The following ADNP2 variants were observed in gnomAD, a reference collection of about 807,000 sequenced individuals.
ADNP2 encodes the protein ADNP homeobox 2, also known as activity-dependent neuroprotector homeobox protein 2.
A neutral mutation model predicts 16.4 loss-of-function variants in ADNP2; 8 were observed. That is an observed-to-expected ratio of 0.49 (90% CI 0.29 to 0.88). ADNP2 has a LOEUF of 0.88. Ranked by LOEUF, ADNP2 falls within the 40% of genes least tolerant of loss-of-function variation. The probability of loss-of-function intolerance (pLI) is 0.09; values close to 1 mark genes in which losing one functional copy is unlikely to be tolerated. For missense variants in ADNP2, 1,397 were observed against 1,395.1 expected (o/e 1.00, Z -0.02); for synonymous variants, 637 against 545.8 (o/e 1.17, Z -2.33).
intron 2 of ADNP2, among the ~76,000 whole-genome samples, chr18:80,132,421 G>A (rs956080094): frequency 3.9e-5 from 6 of 152,156 alleles, no homozygotes; most frequent in South Asian, 2.1e-4. Context: ...GTAACTGCAC[G>A]ATTTAACATA....
chr18:80,130,185 T>A (rs2052487154), intron 2 of ADNP2, among the ~76,000 whole-genome samples: 1 of 152,330 alleles, frequency 6.6e-6, no homozygotes, highest in South Asian at 2.1e-4. Context: ...GGTGCTTTTG[T>A]CATGACCCCT....
intron 2 of ADNP2, among the ~76,000 whole-genome samples, chr18:80,129,011 T>C (rs1333877981): frequency 6.6e-6 from 1 of 152,184 alleles, no homozygotes; most frequent in Non-Finnish European, 1.5e-5. Flanking sequence ...TTTTCACTTT[T>C]CTCTGTTCTG....
chr18:80,129,105 G>GTTTTTTTTT (rs753934297), intron 2 of ADNP2, among the ~76,000 whole-genome samples: 1 of 81,438 alleles, frequency 1.2e-5, no homozygotes, highest in African/African-American at 3.8e-5. Context: ...CTTTTTTTTT[G>GTTTTTTTTT]TTTTTTTTTT....
At chr18:80,117,715 T>TG in intron 2 of ADNP2, 65 bp downstream of exon 2, 1 of 1,234,882 alleles carries the variant, frequency 8.1e-7, no homozygotes, top group Non-Finnish European at 1.1e-6. Flanking sequence ...TTTTGAAGAG[T>TG]GGGTAAGATT....
At chr18:80,131,485 A>G (rs539929647) in intron 2 of ADNP2, among the ~76,000 whole-genome samples, 12 of 152,220 alleles carry the variant, frequency 7.9e-5, no homozygotes, top group East Asian at 1.9e-4. Context: ...AAAAAAATAC[A>G]CTTTTCTTTC....
At position 80,133,191 on chromosome 18, in the gene ADNP2, T is replaced by C; in HGVS notation, c.197T>C (p.Val66Ala). The C allele has an allele frequency of 6.2e-7, 1 of 1,610,250 alleles. No individual in the cohort carries two copies. The highest frequency in any genetic ancestry group is 8.5e-7 in the Non-Finnish European group (1 of 1,176,652). ...VSLWEPSGKK[V>A]RYRTKPYCCG... ...CTCTGGGAACCTTCTGGAAAGAAAG[T>C]GGTATGTATTTTTTGCATTTGTTTT... Residue 66 changes from valine (V) to alanine (A), a missense_variant and splice_region_variant, in exon 3 of 4, where the codon GTG (valine) becomes GCG (alanine). Val to Ala is a moderately conservative substitution (Grantham distance 64). This residue lies in a region of ADNP2 where 777 missense variants were observed against 719.4 expected (regional missense o/e 1.08). Transcript: ENST00000262198.
At chr18:80,133,388 G>T (rs1167225029) in intron 3 of ADNP2, among the ~76,000 whole-genome samples, 196 bp downstream of exon 3, 3 of 152,180 alleles carry the variant, frequency 2.0e-5, no homozygotes, top group Non-Finnish European at 4.4e-5. Context: ...TCTGTTCTGT[G>T]TGCAGAGTTG....
Position 80,133,138 on chromosome 18 carries a change from T to G in ADNP2, c.144T>G (p.Phe48Leu), listed in dbSNP as rs1338437886. ...LKGFDPGEKY[F>L]HNTSWGDVSL... ...GCTTTGATCCAGGAGAGAAATACTT[T>G]CATAACACATCATGGGGTGATGTTT... is the stretch of plus-strand genomic sequence containing the variant. The change falls in exon 3 of 4, where the codon TTT becomes TTG. Residue 48 changes from phenylalanine (F) to leucine (L), a missense_variant. Coordinates refer to ENST00000262198, the MANE Select transcript of ADNP2 (RefSeq NM_014913.4). The G allele has an allele frequency of 5.0e-6, 8 of 1,612,754 alleles. No homozygotes were observed. The highest frequency in any genetic ancestry group is 6.8e-6 in the Non-Finnish European group (8 of 1,179,528).
At chr18:80,110,993 A>G (rs1228931818) in intron 1 of ADNP2, among the ~76,000 whole-genome samples, 10 of 152,064 alleles carry the variant, frequency 6.6e-5, no homozygotes, top group Non-Finnish European at 1.3e-4. Context: ...TTTAATTTGA[A>G]CCCAAGTTTG....
chr18:80,110,285 G>A (rs1454033581), intron 1 of ADNP2, among the ~76,000 whole-genome samples: 2 of 152,180 alleles, frequency 1.3e-5, no homozygotes, highest in Non-Finnish European at 2.9e-5. Context: ...CTGTACAGAT[G>A]CAGAATGAGA....
chr18:80,126,841 C>T (rs79014359), intron 2 of ADNP2, among the ~76,000 whole-genome samples: 41 of 152,274 alleles, frequency 2.7e-4, no homozygotes, highest in East Asian at 2.3e-3. Flanking sequence ...GTAGTTCCCC[C>T]GTATCCTCAG....
At chr18:80,109,555 C>T (rs2052342989) in intron 1 of ADNP2, 83 bp downstream of exon 1, 1 of 148,148 alleles carries the variant, frequency 6.8e-6, no homozygotes, top group Non-Finnish European at 1.5e-5. Context: ...CTGGTCCCCT[C>T]CGAGCCCCGC....
In ADNP2 at chr18:80,123,728, A is replaced by AT. The variant is rs946274436; in HGVS notation, c.108+6088dup. ...AAAATTGATGTTAGTTCTTTCTTTA[A>AT]TTTTTTTTTTCTTTTTTTGGAGACA... On this transcript the variant is annotated intron_variant, in intron 2 of 3. Transcript: ENST00000262198. Among the ~76,000 whole-genome samples the AT allele has an allele frequency of 6.3e-4, 86 of 137,378 alleles. 1 individual carries two copies. In the Middle Eastern group the frequency reaches 0.013, roughly 20 times the overall value. 90.1% of individuals were successfully genotyped at this position (137,378 alleles called of 152,430 possible). A position where few individuals can be genotyped will look rare whatever the true frequency, so the allele number is the denominator to read the frequency against.
At chr18:80,113,601 T>G (rs1003252643) in intron 1 of ADNP2, among the ~76,000 whole-genome samples, 13 of 152,226 alleles carry the variant, frequency 8.5e-5, no homozygotes, top group Admixed American at 3.9e-4. Flanking sequence ...TATCTTACGG[T>G]TCTTATCCTG....
At chr18:80,125,853 A>C (rs918993870) in intron 2 of ADNP2, among the ~76,000 whole-genome samples, 7 of 152,178 alleles carry the variant, frequency 4.6e-5, no homozygotes, top group African/African-American at 1.7e-4. Context: ...TGAAATAGCT[A>C]TTCCCATTAG....
chr18:80,109,946 C>G (rs1007519292), intron 1 of ADNP2: 5 of 152,930 alleles, frequency 3.3e-5, no homozygotes, highest in Admixed American at 6.5e-5. Flanking sequence ...GCCCGCTGGC[C>G]CGCCCGCCGC....
At chr18:80,122,529 G>A (rs193057383) in intron 2 of ADNP2, among the ~76,000 whole-genome samples, 2 of 152,278 alleles carry the variant, frequency 1.3e-5, no homozygotes, top group Admixed American at 1.3e-4. Flanking sequence ...TAGTTTCATT[G>A]TGTAAGGCTT....
intron 2 of ADNP2, among the ~76,000 whole-genome samples, chr18:80,132,321 T>C (rs1285711055): frequency 1.3e-5 from 2 of 152,182 alleles, no homozygotes; most frequent in African/African-American, 4.8e-5. Flanking sequence ...AAATGCATGG[T>C]TGCATCTGTA....
intron 2 of ADNP2, among the ~76,000 whole-genome samples, chr18:80,126,299 C>T (rs758466884): frequency 6.6e-6 from 1 of 151,968 alleles, no homozygotes; most frequent in Non-Finnish European, 1.5e-5. Flanking sequence ...AGAAATCTTA[C>T]AATATGTTGT....
Sources: gnomAD v4.1 joint callset for allele counts (sites outside exome capture counted in the v4.1 genomes callset) on GRCh38, gnomAD v4.1.1 for gene constraint, gnomAD v4.1.1 regional missense constraint, MANE v1.5 for transcripts, NCBI Gene and HGNC (gene_info 2026-07-23, HGNC 2026-07-21) for gene names.